The following CENPC variants were observed in gnomAD, a reference collection of about 807,000 sequenced individuals.
CENPC encodes centromere protein C.
Under a neutral mutation model 112.1 loss-of-function variants are expected in CENPC, and 63 were observed. The ratio of observed to expected loss-of-function variants is 0.56; its 90% confidence interval spans 0.46 to 0.69. The LOEUF (loss-of-function observed/expected upper bound fraction) is 0.69. Ranked by LOEUF, CENPC falls within the 30% of genes least tolerant of loss-of-function variation. The pLI is 0.00. For missense variants in CENPC, 1,000 were observed against 1,103.8 expected (o/e 0.91, Z 1.33); for synonymous variants, 333 against 367.6 (o/e 0.91, Z 1.08).
At position 67,474,995 on chromosome 4, in the gene CENPC, A is replaced by C. The variant is rs1403876196; in HGVS notation, c.2671-17T>G. On this transcript the variant is annotated splice_polypyrimidine_tract_variant and intron_variant, in intron 17 of 18. Transcript: ENST00000273853. ...ATAAAAAACCTGTAAAAATAAAAAT[A>C]AAAATCTCATTCAAAACTGAACCAT... The C allele has an allele frequency of 4.4e-6, 6 of 1,372,520 alleles. No individual in the cohort carries two copies. Among genetic ancestry groups the C allele is most frequent in the Non-Finnish European group, 5.0e-6 (5 of 1,000,928 alleles). The allele number at this position is 1,372,520 out of a possible 1,614,324, so 85.0% of individuals were successfully genotyped here.
intron 7 of CENPC, among the ~76,000 whole-genome samples, chr4:67,517,226 G>A (rs552999655): frequency 1.6e-4 from 25 of 151,704 alleles, no homozygotes; most frequent in Non-Finnish European, 2.8e-4. Flanking sequence ...CAGTGGCACC[G>A]TCTCGACTCA....
chr4:67,519,319 T>G lies in CENPC; in HGVS notation c.515A>C (p.Asn172Thr), dbSNP rs370674211. The stretch of plus-strand genomic sequence containing the variant: ...CTTTTGGGCACTAGATGGAATAACA[T>G]TTTGTGATACAGATGTTTTTGCATC... ...LLDAKTSVSQNVIPSSAQKRE... is the reference protein window; with the variant it reads ...LLDAKTSVSQTVIPSSAQKRE... The change falls in exon 6 of 19, where the codon AAT becomes ACT. Residue 172 changes from asparagine (N) to threonine (T), a missense_variant. Coordinates refer to ENST00000273853, the MANE Select transcript of CENPC (RefSeq NM_001812.4). 1.6e-5 allele frequency: 26 copies of G among 1,612,688 alleles called. No individual in the cohort carries two copies. Among genetic ancestry groups the G allele is most frequent in the Non-Finnish European group, 2.2e-5 (26 of 1,179,376 alleles).
intron 7 of CENPC, among the ~76,000 whole-genome samples, chr4:67,517,714 T>C (rs1431065582): frequency 6.6e-6 from 1 of 151,880 alleles, no homozygotes; most frequent in Non-Finnish European, 1.5e-5. Context: ...GGCAGGTGCC[T>C]GTGATCCCAG....
intron 4 of CENPC, among the ~76,000 whole-genome samples, chr4:67,533,233 C>G (rs1726613402): frequency 6.6e-6 from 1 of 152,196 alleles, no homozygotes; most frequent in African/African-American, 2.4e-5. Context: ...CTCACAAGAT[C>G]TCATGGGTTT....
intron 12 of CENPC, among the ~76,000 whole-genome samples, chr4:67,504,225 A>T (rs1725673696): frequency 1.3e-5 from 2 of 152,128 alleles, no homozygotes; most frequent in Non-Finnish European, 2.9e-5. Flanking sequence ...AAATCACTAC[A>T]ATTTAGAGTA....
rs910756409 is a variant in CENPC at position 67,471,824 on chromosome 4, T to C, written c.*781A>G. The C allele has an allele frequency of 6.6e-6, 1 of 152,308 alleles. No homozygotes were observed. The highest frequency in any genetic ancestry group is 6.5e-5 in the Admixed American group (1 of 15,276). The allele number at this position is 152,308 out of a possible 1,614,324, so 9.4% of individuals were successfully genotyped here. The stretch of plus-strand genomic sequence containing the variant: ...ATTGATTGATATTAAAAAGGGAAAG[T>C]TGAGGCCACATACAGAAAGCAATGG... On this transcript the variant is annotated 3_prime_UTR_variant, in exon 19 of 19. Transcript: ENST00000273853.
intron 17 of CENPC, among the ~76,000 whole-genome samples, chr4:67,489,207 CACACACACACACACAT>C (rs1466938058): frequency 1.3e-5 from 2 of 151,284 alleles, no homozygotes; most frequent in African/African-American, 2.4e-5. Flanking sequence ...TACACACACA[CACACACACACACACAT>C]ACACACATAT....
chr4:67,480,251 GGA>G (rs1724916700), intron 17 of CENPC, among the ~76,000 whole-genome samples: 1 of 152,072 alleles, frequency 6.6e-6, no homozygotes, highest in African/African-American at 2.4e-5. Context: ...CCTGGGAGAT[GGA>G]GGTTACAGTG....
At chr4:67,485,080 G>A (rs567786136) in intron 17 of CENPC, among the ~76,000 whole-genome samples, 98 of 152,194 alleles carry the variant, frequency 6.4e-4, no homozygotes, top group Non-Finnish European at 9.6e-4. Context: ...GTGACAGAGC[G>A]AGACTCCAAC....
chr4:67,512,364 T>C (rs758984317), intron 9 of CENPC, 38 bp downstream of exon 9: 1 of 1,440,386 alleles, frequency 6.9e-7, no homozygotes, highest in East Asian at 2.4e-5. Flanking sequence ...AGAATGATTT[T>C]GTCTATGAAC....
At chr4:67,527,668 T>A (rs2109821609) in intron 5 of CENPC, among the ~76,000 whole-genome samples, 1 of 151,952 alleles carries the variant, frequency 6.6e-6, no homozygotes, top group East Asian at 1.9e-4. Context: ...ACAAGCTAAA[T>A]TTTTGTGTTT....
rs780743930 is a variant in CENPC at position 67,479,974 on chromosome 4, G to A, written c.2671-4996C>T. On this transcript the variant is annotated intron_variant, in intron 17 of 18. Coordinates refer to ENST00000273853, the MANE Select transcript of CENPC (RefSeq NM_001812.4). ...CAGGAAGAAATAGAAACTCTGAAAA[G>A]ACCAATAACAAGCAATGAGATTGAA... Among the ~76,000 whole-genome samples, 6 of 152,246 alleles carry A rather than the reference G, an allele frequency of 3.9e-5. No individual in the cohort carries two copies. In the South Asian group the frequency reaches 6.2e-4, roughly 16 times the overall value.
rs1460541631 is a variant in CENPC at position 67,470,305 on chromosome 4, T to G, written c.*2300A>C. On this transcript the variant is annotated 3_prime_UTR_variant, in exon 19 of 19. Coordinates refer to ENST00000273853, the MANE Select transcript of CENPC (RefSeq NM_001812.4). ...CTACACTTAAGCTGGGCACAGTGGCTCACACCTGTAATCCCAACACTTTGG... is the reference window on the plus strand; with the variant it reads ...CTACACTTAAGCTGGGCACAGTGGCGCACACCTGTAATCCCAACACTTTGG... 6.6e-6 allele frequency: 1 copy of G among 152,288 alleles called. No homozygotes were observed. The highest frequency in any genetic ancestry group is 1.5e-5 in the Non-Finnish European group (1 of 68,196). 9.4% of individuals were successfully genotyped at this position (152,288 alleles called of 1,614,324 possible). A position where few individuals can be genotyped will look rare whatever the true frequency, so the allele number is the denominator to read the frequency against.
intron 17 of CENPC, among the ~76,000 whole-genome samples, 189 bp downstream of exon 17, chr4:67,489,778 G>A (rs527434792): frequency 1.3e-3 from 199 of 152,182 alleles, no homozygotes; most frequent in Non-Finnish European, 2.3e-3. Context: ...GTGCTATGCA[G>A]AGAACAGATA....
Position 67,495,232 on chromosome 4 carries a change from A to T in CENPC, c.2132-20T>A. ...AGTCATCTACAAAATGCAAAAGATA[A>T]TATCATAAGAAATGACTGCTAATTC... On this transcript the variant is annotated intron_variant, in intron 12 of 18. Coordinates refer to ENST00000273853, the MANE Select transcript of CENPC (RefSeq NM_001812.4). The T allele has an allele frequency of 1.3e-6, 2 of 1,510,614 alleles. No homozygotes were observed. Among genetic ancestry groups the T allele is most frequent in the Non-Finnish European group, 1.8e-6 (2 of 1,127,300 alleles). The allele number at this position is 1,510,614 out of a possible 1,614,324, so 93.6% of individuals were successfully genotyped here.
At chr4:67,544,740 T>C (rs1049444257) in intron 1 of CENPC, among the ~76,000 whole-genome samples, 5 of 152,188 alleles carry the variant, frequency 3.3e-5, no homozygotes, top group Non-Finnish European at 7.4e-5. Flanking sequence ...TTTTAACTGA[T>C]AGCTGTCTTT....
chr4:67,512,224 T>C (rs1725910804), intron 9 of CENPC, 178 bp downstream of exon 9: 2 of 509,552 alleles, frequency 3.9e-6, no homozygotes, highest in Non-Finnish European at 6.7e-6. Flanking sequence ...ATTCCTAAAA[T>C]ACTGTATATA....
chr4:67,523,610 A>G (rs1726292761), intron 5 of CENPC, among the ~76,000 whole-genome samples: 1 of 152,058 alleles, frequency 6.6e-6, no homozygotes, highest in Non-Finnish European at 1.5e-5. Context: ...TTCAACATAG[A>G]TACAGATAGT....
chr4:67,513,125 G>C (rs1449948074), intron 8 of CENPC, among the ~76,000 whole-genome samples: 2 of 152,098 alleles, frequency 1.3e-5, no homozygotes, highest in African/African-American at 2.4e-5. Context: ...GATGGTGGAG[G>C]AGGACCATGA....
Sources: allele counts gnomAD v4.1 joint callset (sites outside exome capture counted in the v4.1 genomes callset), GRCh38; gene constraint gnomAD v4.1.1; transcripts MANE v1.5; gene names NCBI Gene and HGNC (gene_info 2026-07-23, HGNC 2026-07-21).